Variants in UNC5C observed in about 807,000 individuals in gnomAD.
The protein encoded by UNC5C is netrin receptor UNC5C.
Under a neutral mutation model 99.8 loss-of-function variants are expected in UNC5C, and 47 were observed. The ratio of observed to expected loss-of-function variants is 0.47; its 90% CI spans 0.37 to 0.60. UNC5C has a LOEUF of 0.60. Ranked by LOEUF, UNC5C falls within the 20% of genes least tolerant of loss-of-function variation. The pLI, the probability that UNC5C is intolerant of heterozygous loss-of-function variation, is 0.00. For synonymous variants in UNC5C, 487 were observed against 452.2 expected, an observed-to-expected ratio of 1.08 and a Z score of -0.98; for missense variants, 1,062 against 1,165.9, an observed-to-expected ratio of 0.91 and a Z score of 1.30.
chr4:95,472,820 G>A (rs569531797), intron 1 of UNC5C, among the ~76,000 whole-genome samples: 7 of 151,872 alleles, frequency 4.6e-5, no homozygotes, highest in African/African-American at 1.4e-4. Context: ...GCACAATGTA[G>A]AGCACAGAGC....
chr4:95,399,012 T>C (rs1398703117), intron 1 of UNC5C, among the ~76,000 whole-genome samples: 3 of 152,196 alleles, frequency 2.0e-5, no homozygotes, highest in Non-Finnish European at 4.4e-5. Flanking sequence ...GAATCTAGTC[T>C]CTTTAATTCT....
intron 2 of UNC5C, among the ~76,000 whole-genome samples, chr4:95,325,109 G>A (rs948624677): frequency 3.9e-5 from 6 of 152,136 alleles, no homozygotes; most frequent in Non-Finnish European, 8.8e-5. Flanking sequence ...TACTATATAA[G>A]GCATGTGGTA....
At chr4:95,400,154 G>T (rs1288925830) in intron 1 of UNC5C, among the ~76,000 whole-genome samples, 1 of 152,110 alleles carries the variant, frequency 6.6e-6, no homozygotes, top group African/African-American at 2.4e-5. Flanking sequence ...CCCTCTCTTT[G>T]CGTGCAGAAG....
chr4:95,189,889 G>A (rs1736999798), intron 12 of UNC5C, among the ~76,000 whole-genome samples: 1 of 152,166 alleles, frequency 6.6e-6, no homozygotes, highest in Admixed American at 6.5e-5. Flanking sequence ...TTACACTGTT[G>A]GTGGAACTGT....
rs566756800 is a variant in UNC5C at position 95,523,805 on chromosome 4, C to A, written c.124+24929G>T. On this transcript the variant is annotated intron_variant, in intron 1 of 15. Coordinates refer to ENST00000453304, the MANE Select transcript of UNC5C (RefSeq NM_003728.4). ...AATAAATCAAATTCAAACAATGTTA[C>A]CTTTAGAAATAAATGTCAAAAGTAT... 1.2e-4 allele frequency among the ~76,000 whole-genome samples: 19 copies of A among 152,172 alleles called. No individual in the cohort carries two copies. The South Asian group carries it at 2.9e-3, about 23-fold the overall frequency.
intron 4 of UNC5C, among the ~76,000 whole-genome samples, chr4:95,268,327 GATAA>G (rs752441880): frequency 2.0e-5 from 3 of 152,182 alleles, no homozygotes; most frequent in African/African-American, 7.2e-5. Context: ...TTTAGTTCAG[GATAA>G]ATAAACAACA....
At chr4:95,496,744 A>C (rs1721642279) in intron 1 of UNC5C, among the ~76,000 whole-genome samples, 1 of 151,680 alleles carries the variant, frequency 6.6e-6, no homozygotes, top group Non-Finnish European at 1.5e-5. Context: ...TACATGGATA[A>C]GTTCTTTAAT....
At chr4:95,342,197 G>A (rs1271610915) in intron 1 of UNC5C, among the ~76,000 whole-genome samples, 1 of 152,124 alleles carries the variant, frequency 6.6e-6, no homozygotes, top group Non-Finnish European at 1.5e-5. Flanking sequence ...GGGAGTGCTT[G>A]TGCCACCCCT....
intron 1 of UNC5C, among the ~76,000 whole-genome samples, chr4:95,522,442 GGA>G (rs1722385008): frequency 1.3e-5 from 2 of 151,934 alleles, no homozygotes. Flanking sequence ...GAGACATGAG[GGA>G]GAGAGAGAAG....
At chr4:95,522,856 C>T (rs984328853) in intron 1 of UNC5C, among the ~76,000 whole-genome samples, 1 of 152,094 alleles carries the variant, frequency 6.6e-6, no homozygotes, top group Admixed American at 6.5e-5. Context: ...TTGTTCTATT[C>T]AAACACTCCA....
chr4:95,477,229 T>C (rs936448191), intron 1 of UNC5C, among the ~76,000 whole-genome samples: 5 of 152,002 alleles, frequency 3.3e-5, no homozygotes, highest in African/African-American at 1.2e-4. Flanking sequence ...GATTTTCTTA[T>C]TCCTTTTGTA....
At chr4:95,417,304 C>T (rs916936024) in intron 1 of UNC5C, among the ~76,000 whole-genome samples, 1 of 152,170 alleles carries the variant, frequency 6.6e-6, no homozygotes, top group Admixed American at 6.5e-5. Context: ...CCCGTAAGTC[C>T]TGAATGTGCA....
At chr4:95,338,861 A>C (rs1743447361) in intron 1 of UNC5C, among the ~76,000 whole-genome samples, 1 of 152,086 alleles carries the variant, frequency 6.6e-6, no homozygotes, top group Admixed American at 6.6e-5. Context: ...AGGACTGGCT[A>C]CAAAATTTGT....
intron 4 of UNC5C, among the ~76,000 whole-genome samples, chr4:95,273,119 A>C (rs1032957872): frequency 6.6e-6 from 1 of 152,188 alleles, no homozygotes; most frequent in Non-Finnish European, 1.5e-5. Flanking sequence ...ACCTCACCCC[A>C]TATTTTCCTA....
intron 1 of UNC5C, among the ~76,000 whole-genome samples, chr4:95,447,659 C>A (rs1392998310): frequency 6.6e-6 from 1 of 152,112 alleles, no homozygotes; most frequent in Non-Finnish European, 1.5e-5. Context: ...TGTCACCACG[C>A]CCAGCTAACT....
intron 1 of UNC5C, among the ~76,000 whole-genome samples, chr4:95,410,626 G>A (rs1264821602): frequency 6.6e-6 from 1 of 152,194 alleles, no homozygotes; most frequent in Non-Finnish European, 1.5e-5. Context: ...AGTACTGGGG[G>A]AGAGTGTTAG....
At chr4:95,246,152 AT>A in intron 5 of UNC5C, among the ~76,000 whole-genome samples, 1 of 152,338 alleles carries the variant, frequency 6.6e-6, no homozygotes, top group Admixed American at 6.5e-5. Flanking sequence ...AAGATGAATA[AT>A]TGGAAACAAC....
chr4:95,366,110 T>A (rs1744560999), intron 1 of UNC5C, among the ~76,000 whole-genome samples: 1 of 152,142 alleles, frequency 6.6e-6, no homozygotes, highest in Non-Finnish European at 1.5e-5. Flanking sequence ...AAGAGAAAGG[T>A]ACAATTTTAT....
chr4:95,305,174 C>T (rs1357667733), intron 2 of UNC5C, among the ~76,000 whole-genome samples: 1 of 152,162 alleles, frequency 6.6e-6, no homozygotes, highest in Non-Finnish European at 1.5e-5. Flanking sequence ...CCAAAGTTTA[C>T]ATTCCAACTT....
Sources: allele counts gnomAD v4.1 joint callset (sites outside exome capture counted in the v4.1 genomes callset), GRCh38; gene constraint gnomAD v4.1.1; transcripts MANE v1.5; gene names NCBI Gene and HGNC (gene_info 2026-07-23, HGNC 2026-07-21).